The following GALNT18 variants were observed in gnomAD, a reference collection of about 807,000 sequenced individuals.
GALNT18 encodes polypeptide N-acetylgalactosaminyltransferase 18.
GALNT18 carries 44 observed loss-of-function variants against 69.5 expected under a neutral mutation model. That is an observed-to-expected ratio of 0.63 (90% CI 0.50 to 0.81). GALNT18 has a LOEUF of 0.81. Among genes scored for constraint, GALNT18 ranks in the 40% least tolerant of loss-of-function variants. GALNT18 has a pLI of 0.00. For missense variants in GALNT18, 715 were observed against 810.0 expected, an observed-to-expected ratio of 0.88 and a Z score of 1.42; for synonymous variants, 364 against 318.2, an observed-to-expected ratio of 1.14 and a Z score of -1.53.
At chr11:11,572,137 A>G (rs1858806734) in intron 1 of GALNT18, among the ~76,000 whole-genome samples, 1 of 152,202 alleles carries the variant, frequency 6.6e-6, no homozygotes. Flanking sequence ...GGGCGTGGGC[A>G]TCATCGAGTA....
Position 11,605,949 on chromosome 11 carries a change from A to G in GALNT18, c.235+15410T>C, listed in dbSNP as rs1859744501. On this transcript the variant is annotated intron_variant, in intron 1 of 10. Transcript: ENST00000227756. This position sits in a 1 kb window ranked among gnomAD's most constrained non-coding sequence, Gnocchi z 4.7. ...ACCACTGAGCTTCAGCTTCCCTTTG[A>G]TTAAATCTTGACACAGTAATGTCAG... Among the ~76,000 whole-genome samples, 1 of 152,108 alleles carries G rather than the reference A, an allele frequency of 6.6e-6. No individual in the cohort carries two copies.
At chr11:11,424,358 C>T (rs1379042730) in intron 3 of GALNT18, among the ~76,000 whole-genome samples, 1 of 152,140 alleles carries the variant, frequency 6.6e-6, no homozygotes, top group Non-Finnish European at 1.5e-5. Flanking sequence ...ATACAAGGTC[C>T]AGGGCCAGCG....
chr11:11,336,857 A>G lies in GALNT18; in HGVS notation c.1278+3962T>C, dbSNP rs549780903. ...GTCTGGGAGTTTCAGACAAGTAAAC[A>G]TACTCTTTGTGAACAAGTGTGAGGC... On this transcript the variant is annotated intron_variant, in intron 7 of 10. Coordinates refer to ENST00000227756, the MANE Select transcript of GALNT18 (RefSeq NM_198516.3). Among the ~76,000 whole-genome samples, 11 of 152,334 alleles carry G rather than the reference A, an allele frequency of 7.2e-5. No individual in the cohort carries two copies. The East Asian group carries it at 1.7e-3, about 24-fold the overall frequency.
chr11:11,339,102 AG>A lies in GALNT18; in HGVS notation c.1278+1716del, dbSNP rs1850159621. 1.3e-5 allele frequency among the ~76,000 whole-genome samples: 2 copies of A among 152,162 alleles called. No homozygotes were observed. The highest frequency in any genetic ancestry group is 2.9e-5 in the Non-Finnish European group (2 of 68,028). On this transcript the variant is annotated intron_variant, in intron 7 of 10. Transcript: ENST00000227756. The surrounding 1 kb of genome is among the most constrained non-coding windows in gnomAD (Gnocchi z 5.2). Reference sequence around the variant, plus strand: ...ATTGACTCTGTACAAGTTTGATAAGAGGAAGGAGAGGACATTTGGACACAGG... The same window carrying A: ...ATTGACTCTGTACAAGTTTGATAAGAGAAGGAGAGGACATTTGGACACAGG...
At chr11:11,535,152 C>T (rs1590079682) in intron 1 of GALNT18, among the ~76,000 whole-genome samples, 1 of 152,226 alleles carries the variant, frequency 6.6e-6, no homozygotes, top group African/African-American at 2.4e-5. Context: ...CAGTGCAGTG[C>T]TTTTTACATA....
intron 3 of GALNT18, among the ~76,000 whole-genome samples, chr11:11,418,485 T>C (rs1336920130): frequency 6.6e-6 from 1 of 152,122 alleles, no homozygotes; most frequent in Non-Finnish European, 1.5e-5. Flanking sequence ...CCAAATCCAT[T>C]CAATCACCAA....
rs887302338 is a variant in GALNT18 at position 11,463,199 on chromosome 11, C to G, written c.236-14263G>C. ...TCACACATGGACATACACACTCAGA[C>G]AGACAGACAGACACACACACACACA... is the stretch of plus-strand genomic sequence containing the variant. On this transcript the variant is annotated intron_variant, in intron 1 of 10. Transcript: ENST00000227756. This position sits in a 1 kb window ranked among gnomAD's most constrained non-coding sequence, Gnocchi z 4.2. Among the ~76,000 whole-genome samples the G allele has an allele frequency of 1.8e-5, 2 of 112,912 alleles. No individual in the cohort carries two copies. The highest frequency in any genetic ancestry group is 6.7e-5 in the African/African-American group (2 of 29,654). 74.1% of individuals were successfully genotyped at this position (112,912 alleles called of 152,430 possible).
rs991571241 is a variant in GALNT18, at chr11:11,541,305, T to C, written c.235+80054A>G. The stretch of plus-strand genomic sequence containing the variant: ...ACTCCTCCACCTCTCTCCCCTCCCA[T>C]AGCCAACTGGACACCAGGGCTTCCT... On this transcript the variant is annotated intron_variant, in intron 1 of 10. Coordinates refer to ENST00000227756, the MANE Select transcript of GALNT18 (RefSeq NM_198516.3). This position sits in a 1 kb window ranked among gnomAD's most constrained non-coding sequence, Gnocchi z 4.8. Among the ~76,000 whole-genome samples, 2 of 152,086 alleles carry C rather than the reference T, an allele frequency of 1.3e-5. No homozygotes were observed. The highest frequency in any genetic ancestry group is 2.9e-5 in the Non-Finnish European group (2 of 68,018).
intron 6 of GALNT18, among the ~76,000 whole-genome samples, chr11:11,350,496 T>C (rs113897495): frequency 2.6e-4 from 40 of 152,194 alleles, no homozygotes; most frequent in African/African-American, 9.4e-4. Flanking sequence ...CAAGACAAGT[T>C]GGAAAAAGGA....
chr11:11,431,738 A>G (rs2133792955), intron 3 of GALNT18, among the ~76,000 whole-genome samples: 1 of 152,352 alleles, frequency 6.6e-6, no homozygotes, highest in South Asian at 2.1e-4. Context: ...CTGATTCACT[A>G]GGAAATTTAT....
At chr11:11,352,837 T>C (rs1850444736) in intron 6 of GALNT18, 2 of 1,614,266 alleles carry the variant, frequency 1.2e-6, no homozygotes, top group East Asian at 4.5e-5. Context: ...GCCAGTGTGA[T>C]GATGTTGGGA....
chr11:11,544,400 C>A (rs2133960286), intron 1 of GALNT18, among the ~76,000 whole-genome samples: 1 of 152,306 alleles, frequency 6.6e-6, no homozygotes, highest in Admixed American at 6.5e-5. Context: ...CTATGCTAAG[C>A]ATTTTGGGTG....
chr11:11,594,056 A>C (rs1192022912), intron 1 of GALNT18, among the ~76,000 whole-genome samples: 1 of 152,044 alleles, frequency 6.6e-6, no homozygotes, highest in African/African-American at 2.4e-5. Context: ...GGTAGTTTTC[A>C]CTCTGTGCCA....
chr11:11,583,367 G>A lies in GALNT18; in HGVS notation c.235+37992C>T, dbSNP rs1859132030. ...AGATGCCTTTGGGTCCTCCAGAGCA[G>A]CTGACCAGTGCCAAGTACATAGGAG... On this transcript the variant is annotated intron_variant, in intron 1 of 10. Coordinates refer to ENST00000227756, the MANE Select transcript of GALNT18 (RefSeq NM_198516.3). The surrounding 1 kb of genome is among the most constrained non-coding windows in gnomAD (Gnocchi z 4.7). Among the ~76,000 whole-genome samples, 1 of 152,202 alleles carries A rather than the reference G, an allele frequency of 6.6e-6. No individual in the cohort carries two copies. The highest frequency in any genetic ancestry group is 2.1e-4 in the South Asian group (1 of 4,832).
intron 1 of GALNT18, among the ~76,000 whole-genome samples, chr11:11,513,756 A>G (rs2133917300): frequency 6.6e-6 from 1 of 152,320 alleles, no homozygotes; most frequent in South Asian, 2.1e-4. Context: ...CTCCAATGAC[A>G]TTTCTTCTGG....
chr11:11,418,865 A>G (rs551844756), intron 3 of GALNT18, among the ~76,000 whole-genome samples: 2 of 152,336 alleles, frequency 1.3e-5, no homozygotes, highest in Non-Finnish European at 2.9e-5. Context: ...TCTGGATCGC[A>G]GTTTTCTCTC....
At position 11,618,245 on chromosome 11, in the gene GALNT18, G is replaced by A. The variant is rs942855236; in HGVS notation, c.235+3114C>T. ...TCCTTCTAACAAAAAGAGGAGCCTGGACAAGACTCCAAAGCAAAACACCTT... is the reference window on the plus strand; with the variant it reads ...TCCTTCTAACAAAAAGAGGAGCCTGAACAAGACTCCAAAGCAAAACACCTT... On this transcript the variant is annotated intron_variant, in intron 1 of 10. Transcript: ENST00000227756. The surrounding 1 kb of genome is among the most constrained non-coding windows in gnomAD (Gnocchi z 6.1). 6.6e-6 allele frequency among the ~76,000 whole-genome samples: 1 copy of A among 152,168 alleles called. No homozygotes were observed. Among genetic ancestry groups the A allele is most frequent in the African/African-American group, 2.4e-5 (1 of 41,420 alleles).
Position 11,563,107 on chromosome 11 carries a change from C to T in GALNT18, c.235+58252G>A, listed in dbSNP as rs963758977. Among the ~76,000 whole-genome samples, 1 of 152,132 alleles carries T rather than the reference C, an allele frequency of 6.6e-6. No homozygotes were observed. Among genetic ancestry groups the T allele is most frequent in the African/African-American group, 2.4e-5 (1 of 41,414 alleles). Reference sequence around the variant, plus strand: ...AAGACTCCTCCAGCCCAGGAGGTGACCCCCCACCACACCCCACAGAGTGCC... The same window carrying T: ...AAGACTCCTCCAGCCCAGGAGGTGATCCCCCACCACACCCCACAGAGTGCC... On this transcript the variant is annotated intron_variant, in intron 1 of 10. Transcript: ENST00000227756. The surrounding 1 kb of genome is among the most constrained non-coding windows in gnomAD (Gnocchi z 4.6).
intron 1 of GALNT18, among the ~76,000 whole-genome samples, chr11:11,479,097 C>T (rs992984766): frequency 8.5e-5 from 13 of 152,312 alleles, no homozygotes; most frequent in African/African-American, 3.1e-4. Flanking sequence ...TCCTGCTGTG[C>T]CTAATTTCTG....
Sources: allele counts gnomAD v4.1 joint callset (sites outside exome capture counted in the v4.1 genomes callset), GRCh38; gene constraint gnomAD v4.1.1; non-coding constraint Gnocchi (gnomAD v3.1); transcripts MANE v1.5; gene names NCBI Gene and HGNC (gene_info 2026-07-23, HGNC 2026-07-21).